The following DLG1 variants were observed in gnomAD, a reference collection of about 807,000 sequenced individuals.
The protein encoded by DLG1 is discs large MAGUK scaffold protein 1.
In DLG1, 42 loss-of-function variants were observed where a neutral mutation model predicts 123.4. The ratio of observed to expected loss-of-function variants is 0.34; its 90% confidence interval spans 0.27 to 0.44. The LOEUF is 0.44. Ranked by LOEUF, DLG1 falls within the 20% of genes least tolerant of loss-of-function variation. The pLI, the probability that DLG1 is intolerant of heterozygous loss-of-function variation, is 1.00. For missense variants in DLG1, 942 were observed against 1,082.6 expected (o/e 0.87, Z 1.82); for synonymous variants, 317 against 356.2 (o/e 0.89, Z 1.24).
intron 5 of DLG1, among the ~76,000 whole-genome samples, chr3:197,173,646 G>C (rs933504169): frequency 6.6e-5 from 10 of 152,114 alleles, no homozygotes; most frequent in Admixed American, 6.5e-4. Flanking sequence ...AATACATACT[G>C]CATCAATCCT....
intron 4 of DLG1, among the ~76,000 whole-genome samples, chr3:197,257,477 T>C (rs187821021): frequency 3.9e-5 from 6 of 152,272 alleles, no homozygotes; most frequent in Admixed American, 3.9e-4. Flanking sequence ...TTCAGGGAAC[T>C]GTTTCAGAAG....
At position 197,090,972 on chromosome 3, in the gene DLG1, C is replaced by T. The variant is rs772346988; in HGVS notation, c.1601G>A (p.Ser534Asn). 1 of 1,612,504 alleles carries T rather than the reference C, an allele frequency of 6.2e-7. No individual in the cohort carries two copies. The highest frequency in any genetic ancestry group is 8.5e-7 in the Non-Finnish European group (1 of 1,178,954). The part of the protein sequence containing the change: ...IHDLREQMMN[S>N]SISSGSGSLR... ...AGAACCTGACCCTGAACTAATACTA[C>T]TATTCATCATCTGCTCCCGTAAATC... Residue 534 changes from serine to asparagine, a missense_variant, in exon 15 of 25, where the codon AGT becomes AAT. Transcript: ENST00000667157.
intron 5 of DLG1, among the ~76,000 whole-genome samples, chr3:197,173,344 G>C (rs888760173): frequency 1.3e-5 from 2 of 152,168 alleles, no homozygotes; most frequent in Non-Finnish European, 2.9e-5. Flanking sequence ...ATTATAATAA[G>C]TGCTTTGCAC....
intron 4 of DLG1, among the ~76,000 whole-genome samples, chr3:197,273,481 G>T (rs890099755): frequency 5.3e-5 from 8 of 151,852 alleles, no homozygotes; most frequent in Non-Finnish European, 1.0e-4. Flanking sequence ...CAAGTGATCT[G>T]CCCGCCTCTG....
At chr3:197,220,661 A>T (rs11185467) in intron 4 of DLG1, among the ~76,000 whole-genome samples, 23 of 136,484 alleles carry the variant, frequency 1.7e-4, no homozygotes, top group Admixed American at 1.5e-3. Context: ...TTTGTACCCC[A>T]CCTATCCAGC....
chr3:197,215,643 T>C (rs1733769481), intron 4 of DLG1, among the ~76,000 whole-genome samples: 1 of 152,130 alleles, frequency 6.6e-6, no homozygotes, highest in African/African-American at 2.4e-5. Flanking sequence ...GAACATATCC[T>C]AATGTGCTGA....
Position 197,085,592 on chromosome 3 carries a change from G to C in DLG1, c.1826C>G (p.Pro609Arg). 1 of 1,613,822 alleles carries C rather than the reference G, an allele frequency of 6.2e-7. No individual in the cohort carries two copies. Among genetic ancestry groups the C allele is most frequent in the Non-Finnish European group, 8.5e-7 (1 of 1,179,942 alleles). Reference sequence around the variant, plus strand: ...GAAACAGGCATACCTGCGTTTACTGGGAATCACTCCGACCTCATCGCTCTC... The same window carrying C: ...GAAACAGGCATACCTGCGTTTACTGCGAATCACTCCGACCTCATCGCTCTC... ...DGESDEVGVI[P>R]SKRRVEKKER... The change falls in exon 16 of 25, where the codon CCC becomes CGC. Residue 609 changes from proline to arginine, a missense_variant. Transcript: ENST00000667157.
At chr3:197,090,535 G>GTAATTA (rs1757190912) in intron 15 of DLG1, among the ~76,000 whole-genome samples, 1 of 151,898 alleles carries the variant, frequency 6.6e-6, no homozygotes, top group South Asian at 2.1e-4. Flanking sequence ...AAATTGCCAG[G>GTAATTA]TAATTAAATG....
chr3:197,145,485 C>T (rs1273318426), intron 6 of DLG1, among the ~76,000 whole-genome samples: 3 of 152,130 alleles, frequency 2.0e-5, no homozygotes, highest in African/African-American at 7.2e-5. Flanking sequence ...ATGGATTAGG[C>T]CAAATCCCAC....
At chr3:197,298,120 T>A in intron 1 of DLG1, 1 of 207,432 alleles carries the variant, frequency 4.8e-6, no homozygotes, top group Non-Finnish European at 8.7e-6. Flanking sequence ...TCCGCCAAGA[T>A]GGCGGCCCCC....
At chr3:197,207,091 C>T (rs12485428) in intron 4 of DLG1, among the ~76,000 whole-genome samples, 42,714 of 152,074 alleles carry the variant, frequency 0.28, 6,415 homozygotes, top group Middle Eastern at 0.38. Context: ...GATGCGGTGG[C>T]GGAGCTGGGA....
chr3:197,189,769 C>T (rs1356125948), intron 5 of DLG1, among the ~76,000 whole-genome samples: 2 of 152,172 alleles, frequency 1.3e-5, no homozygotes, highest in Non-Finnish European at 2.9e-5. Context: ...GGAAAGCATG[C>T]TGGTACTTTC....
intron 3 of DLG1, among the ~76,000 whole-genome samples, chr3:197,287,648 A>G (rs1772518611): frequency 1.3e-5 from 2 of 152,248 alleles, no homozygotes; most frequent in Admixed American, 1.3e-4. Context: ...AGGAAGGGGC[A>G]CAAATTAAAC....
At chr3:197,285,116 T>G (rs1771227063) in intron 3 of DLG1, among the ~76,000 whole-genome samples, 1 of 152,112 alleles carries the variant, frequency 6.6e-6, no homozygotes, top group Non-Finnish European at 1.5e-5. Flanking sequence ...ATAAAAATTT[T>G]TCATTACCTT....
At chr3:197,230,637 ATT>A (rs1742448353) in intron 4 of DLG1, among the ~76,000 whole-genome samples, 1 of 152,160 alleles carries the variant, frequency 6.6e-6, no homozygotes, top group African/African-American at 2.4e-5. Context: ...TTCCTAGATG[ATT>A]TTGACATGTC....
At chr3:197,068,162 T>C (rs1404381766) in intron 19 of DLG1, among the ~76,000 whole-genome samples, 1 of 152,204 alleles carries the variant, frequency 6.6e-6, no homozygotes, top group Admixed American at 6.5e-5. Context: ...AAGACCAATA[T>C]TTTATAAGCT....
chr3:197,296,846 C>G (rs1777606157), intron 2 of DLG1: 1 of 267,524 alleles, frequency 3.7e-6, no homozygotes. Context: ...TTTAACATTT[C>G]AAAATACAAA....
intron 23 of DLG1, among the ~76,000 whole-genome samples, chr3:197,057,668 T>C (rs1354329594): frequency 6.6e-6 from 1 of 152,240 alleles, no homozygotes; most frequent in African/African-American, 2.4e-5. Context: ...AGTTGGGCAC[T>C]ATCTCACAGG....
intron 5 of DLG1, among the ~76,000 whole-genome samples, chr3:197,182,159 ATC>A (rs1418020046): frequency 1.3e-5 from 2 of 152,320 alleles, no homozygotes; most frequent in East Asian, 3.9e-4. Context: ...TTCTAAAGAT[ATC>A]TGTCTTGTTG....
Sources: allele counts gnomAD v4.1 joint callset (sites outside exome capture counted in the v4.1 genomes callset), GRCh38; gene constraint gnomAD v4.1.1; transcripts MANE v1.5; gene names NCBI Gene and HGNC (gene_info 2026-07-23, HGNC 2026-07-21).